CDC6: variants seen among roughly 807,000 people sequenced by gnomAD.
The protein encoded by CDC6 is cell division cycle 6.
A neutral mutation model predicts 60.2 loss-of-function variants in CDC6; 46 were observed. The observed-to-expected ratio is 0.76, with a 90% CI of 0.60 to 0.98. CDC6 has a LOEUF of 0.98. Among genes scored for constraint, CDC6 ranks in the 50% least tolerant of loss-of-function variants. The pLI is 0.00. For missense variants in CDC6, 596 were observed against 652.9 expected, an observed-to-expected ratio of 0.91 and a Z score of 0.95; for synonymous variants, 210 against 233.2, an observed-to-expected ratio of 0.90 and a Z score of 0.90.
intron 5 of CDC6, 55 bp from the exon 6 acceptor site, chr17:40,293,895 A>G (rs2032813406): frequency 6.9e-7 from 1 of 1,450,716 alleles, no homozygotes. Flanking sequence ...GCCTATATCA[A>G]ACATTAGAGG....
At chr17:40,288,580 C>T (rs1166354185) in intron 1 of CDC6, among the ~76,000 whole-genome samples, 2 of 150,314 alleles carry the variant, frequency 1.3e-5, no homozygotes, top group African/African-American at 4.9e-5. Flanking sequence ...CCACCACGTC[C>T]GGCTAATTTT....
intron 10 of CDC6, 119 bp downstream of exon 10, chr17:40,301,149 CA>C: frequency 1.3e-6 from 1 of 799,678 alleles, no homozygotes; most frequent in Non-Finnish European, 2.2e-6. Flanking sequence ...TGGATTTTAA[CA>C]GTAAGAATTA....
At position 40,294,457 on chromosome 17, in the gene CDC6, A is replaced by C. The variant is rs1393259338; in HGVS notation, c.1037A>C (p.Tyr346Ser). Residue 346 changes from tyrosine (Y) to serine (S), a missense_variant, in exon 7 of 12, where the codon TAT (tyrosine) becomes TCT (serine). Tyr to Ser is a moderately radical substitution (Grantham distance 144). Transcript: ENST00000209728. ...CCACAGCTGTTGAACTTCCCACCTT[A>C]TACCAGAAATCAGATAGTCACTATT... ...CKPQLLNFPP[Y>S]TRNQIVTILQ... 1 of 1,614,018 alleles carries C rather than the reference A, an allele frequency of 6.2e-7. No homozygotes were observed.
chr17:40,296,854 A>C, intron 9 of CDC6, 87 bp downstream of exon 9: 1 of 917,896 alleles, frequency 1.1e-6, no homozygotes. Context: ...AAATGAACAT[A>C]GTTAAATCCA....
At chr17:40,293,731 A>G in intron 5 of CDC6, 100 bp downstream of exon 5, 3 of 1,056,304 alleles carry the variant, frequency 2.8e-6, no homozygotes, top group Admixed American at 1.8e-5. Flanking sequence ...GGATAGTTAC[A>G]TAAACTTAAA....
chr17:40,299,138 C>CTTTTTTTTTTTTTTTTTT lies in CDC6; in HGVS notation c.1250-1679_1250-1662dup, dbSNP rs67162965. On this transcript the variant is annotated intron_variant, in intron 9 of 11. Coordinates refer to ENST00000209728, the MANE Select transcript of CDC6 (RefSeq NM_001254.4). ...CATCTCCAAACGATAAGGCCATAGTCTTTTTTTTTTTTTTTTTTTTTTTTT... is the reference window on the plus strand; with the variant it reads ...CATCTCCAAACGATAAGGCCATAGTCTTTTTTTTTTTTTTTTTTTTTTTTTTTTTTTTTTTTTTTTTTT... Among the ~76,000 whole-genome samples, 26 of 60,780 alleles carry CTTTTTTTTTTTTTTTTTT rather than the reference C, an allele frequency of 4.3e-4. 7 individuals are homozygous for CTTTTTTTTTTTTTTTTTT. Among genetic ancestry groups the CTTTTTTTTTTTTTTTTTT allele is most frequent in the African/African-American group, 1.1e-3 (14 of 13,002 alleles). The allele number at this position is 60,780 out of a possible 152,430, so 39.9% of individuals were successfully genotyped here. A position where few individuals can be genotyped will look rare whatever the true frequency, so the allele number is the denominator to read the frequency against.
intron 7 of CDC6, 101 bp from the exon 8 acceptor site, chr17:40,295,255 T>G: frequency 1.2e-6 from 1 of 836,450 alleles, no homozygotes; most frequent in Non-Finnish European, 2.1e-6. Flanking sequence ...GAGTTGCCAA[T>G]CAAGTTTAGG....
At position 40,294,032 on chromosome 17, in the gene CDC6, A is replaced by G. The variant is rs550395628; in HGVS notation, c.919A>G (p.Ser307Gly). The G allele has an allele frequency of 3.1e-6, 5 of 1,613,532 alleles. No individual in the cohort carries two copies. Among genetic ancestry groups the G allele is most frequent in the Non-Finnish European group, 4.2e-6 (5 of 1,179,390 alleles). The change falls in exon 6 of 12, where the codon AGC (serine) becomes GGC (glycine). Residue 307 changes from serine (S) to glycine (G), a missense_variant. By Grantham distance (56) the Ser-to-Gly change is moderately conservative. Transcript: ENST00000209728. ...CACGCTATTTGAATGGCCATGGCTA[A>G]GCAATTCTCACTTGGTGCTGATTGG... Reference protein sequence around the residue: ...LYTLFEWPWLSNSHLVLIGIA... With the variant: ...LYTLFEWPWLGNSHLVLIGIA...
chr17:40,293,716 C>A, intron 5 of CDC6, 85 bp downstream of exon 5: 2 of 1,144,342 alleles, frequency 1.7e-6, no homozygotes, highest in South Asian at 1.3e-5. Context: ...TATTTTCTCT[C>A]TGAAGGATAG....
rs1272291784 is a variant in CDC6, at chr17:40,291,225, C to T, written c.346C>T (p.His116Tyr). The change falls in exon 3 of 12, where the codon CAC becomes TAC. Residue 116 changes from histidine to tyrosine, a missense_variant. Transcript: ENST00000209728. ...SPSKRELAKV[H>Y]QNKILSSVRK... ...TAGCAAAAGAGAACTAGCCAAAGTTCACCAAAACAAAATACTTTCTTCAGT... is the reference window on the plus strand; with the variant it reads ...TAGCAAAAGAGAACTAGCCAAAGTTTACCAAAACAAAATACTTTCTTCAGT... 1.9e-6 allele frequency: 3 copies of T among 1,614,038 alleles called. No homozygotes were observed. The African/African-American group carries it at 4.0e-5, about 22-fold the overall frequency.
chr17:40,294,331 A>T, intron 6 of CDC6, 33 bp from the exon 7 acceptor site: 1 of 1,527,868 alleles, frequency 6.5e-7, no homozygotes, highest in Non-Finnish European at 9.1e-7. Flanking sequence ...GGATAATTTG[A>T]CCAATGATCA....
Position 40,301,525 on chromosome 17 carries a change from T to A in CDC6, c.1510T>A (p.Ser504Thr), listed in dbSNP as rs1457222856. 1 of 1,613,834 alleles carries A rather than the reference T, an allele frequency of 6.2e-7. No individual in the cohort carries two copies. Among genetic ancestry groups the A allele is most frequent in the Non-Finnish European group, 8.5e-7 (1 of 1,179,676 alleles). Residue 504 changes from serine (S) to threonine (T), a missense_variant, in exon 11 of 12, where the codon TCA becomes ACA. By Grantham distance (58) the Ser-to-Thr change is moderately conservative. Coordinates refer to ENST00000209728, the MANE Select transcript of CDC6 (RefSeq NM_001254.4). The stretch of plus-strand genomic sequence containing the variant: ...ACAGCAGGTGGCGGCTGTGGACCAG[T>A]CAGAGTGTTTGTCACTTTCAGGGCT... ...RKQQVAAVDQ[S>T]ECLSLSGLLE...
rs148948716 is a variant in CDC6, at chr17:40,294,480, A to G, written c.1060A>G (p.Ile354Val). The G allele has an allele frequency of 6.2e-7, 1 of 1,613,956 alleles. No individual in the cohort carries two copies. The highest frequency in any genetic ancestry group is 1.3e-5 in the African/African-American group (1 of 74,918). The change falls in exon 7 of 12, where the codon ATT (isoleucine) becomes GTT (valine). Residue 354 changes from isoleucine to valine, a missense_variant. Ile to Val is a conservative substitution (Grantham distance 29). Coordinates refer to ENST00000209728, the MANE Select transcript of CDC6 (RefSeq NM_001254.4). ...TTATACCAGAAATCAGATAGTCACT[A>G]TTTTGCAAGATCGACTTAATCAGGT... is the stretch of plus-strand genomic sequence containing the variant. ...PPYTRNQIVTILQDRLNQVSR... is the reference protein window; with the variant it reads ...PPYTRNQIVTVLQDRLNQVSR...
Position 40,301,618 on chromosome 17 carries a change from C to CT in CDC6, c.1593+16dup. On this transcript the variant is annotated intron_variant, in intron 11 of 11. Coordinates refer to ENST00000209728, the MANE Select transcript of CDC6 (RefSeq NM_001254.4). ...AACCCGTTTGACAAAGGTACAACTG[C>CT]TTTTTTGTGACAGTGTTTTTAATTG... The CT allele has an allele frequency of 1.2e-6, 2 of 1,613,562 alleles. No individual in the cohort carries two copies. Among genetic ancestry groups the CT allele is most frequent in the South Asian group, 2.2e-5 (2 of 91,058 alleles).
At chr17:40,294,631 A>G in intron 7 of CDC6, 128 bp downstream of exon 7, 1 of 798,356 alleles carries the variant, frequency 1.3e-6, no homozygotes. Flanking sequence ...CCTATGGACC[A>G]TAGTGAGAAC....
At chr17:40,293,163 C>T (rs2032794225) in intron 4 of CDC6, among the ~76,000 whole-genome samples, 1 of 151,756 alleles carries the variant, frequency 6.6e-6, no homozygotes, top group Non-Finnish European at 1.5e-5. Context: ...CACTTCAACC[C>T]GGGAGGCAGA....
intron 2 of CDC6, 27 bp from the exon 3 acceptor site, chr17:40,291,031 C>T: frequency 6.2e-7 from 1 of 1,612,156 alleles, no homozygotes; most frequent in Non-Finnish European, 8.5e-7. Context: ...CTATGAGTGA[C>T]TACATTTTTA....
Position 40,301,609 on chromosome 17 carries a change from G to T in CDC6, c.1593+1G>T. The T allele has an allele frequency of 6.2e-7, 1 of 1,614,052 alleles. No homozygotes were observed. Among genetic ancestry groups the T allele is most frequent in the Non-Finnish European group, 8.5e-7 (1 of 1,179,904 alleles). On this transcript the variant is annotated splice_donor_variant, in intron 11 of 11. Transcript: ENST00000209728. LOFTEE classifies it high-confidence loss of function. ...AAACAAGGAAACCCGTTTGACAAAGGTACAACTGCTTTTTTGTGACAGTGT... is the reference window on the plus strand; with the variant it reads ...AAACAAGGAAACCCGTTTGACAAAGTTACAACTGCTTTTTTGTGACAGTGT...
intron 6 of CDC6, 75 bp from the exon 7 acceptor site, chr17:40,294,288 AT>A: frequency 8.0e-7 from 1 of 1,242,762 alleles, no homozygotes; most frequent in Non-Finnish European, 1.2e-6. Context: ...CTGGAGATTT[AT>A]TTAGCTTTCA....
Sources: allele counts gnomAD v4.1 joint callset (sites outside exome capture counted in the v4.1 genomes callset), GRCh38; gene constraint gnomAD v4.1.1; transcripts MANE v1.5; gene names NCBI Gene and HGNC (gene_info 2026-07-23, HGNC 2026-07-21).